Variants in AUTS2 observed in about 807,000 individuals in gnomAD.
AUTS2 encodes the protein activator of transcription and developmental regulator AUTS2, also known as autism susceptibility gene 2 protein.
Under a neutral mutation model 112.4 loss-of-function variants are expected in AUTS2, and 17 were observed. The observed-to-expected ratio is 0.15, with a 90% CI of 0.10 to 0.23. The LOEUF (loss-of-function observed/expected upper bound fraction) is 0.23. Among genes scored for constraint, AUTS2 ranks in the 10% least tolerant of loss-of-function variants. The pLI is 1.00. For synonymous variants in AUTS2, 751 were observed against 702.7 expected, an observed-to-expected ratio of 1.07 and a Z score of -1.09; for missense variants, 1,510 against 1,701.6, an observed-to-expected ratio of 0.89 and a Z score of 1.98.
chr7:70,060,984 T>C (rs1802219426), intron 2 of AUTS2, among the ~76,000 whole-genome samples: 2 of 152,220 alleles, frequency 1.3e-5, no homozygotes, highest in African/African-American at 4.8e-5. Context: ...TAACAAACCC[T>C]GTGACCCTAG....
intron 5 of AUTS2, among the ~76,000 whole-genome samples, chr7:70,689,193 GA>G (rs1808619223): frequency 6.6e-6 from 1 of 151,886 alleles, no homozygotes; most frequent in Non-Finnish European, 1.5e-5. Flanking sequence ...ACCATCTCTA[GA>G]AAAAAATTTT....
At chr7:70,055,905 C>T (rs963288250) in intron 2 of AUTS2, among the ~76,000 whole-genome samples, 3 of 152,026 alleles carry the variant, frequency 2.0e-5, no homozygotes, top group African/African-American at 7.2e-5. Flanking sequence ...AGGCAGGTCT[C>T]GAACTCCTGA....
chr7:70,511,408 T>C (rs1217415934), intron 5 of AUTS2, among the ~76,000 whole-genome samples: 5 of 151,672 alleles, frequency 3.3e-5, no homozygotes, highest in East Asian at 1.9e-4. Flanking sequence ...ATTTTTTTTT[T>C]CTCAAATTTG....
intron 4 of AUTS2, chr7:70,290,292 C>A: frequency 7.5e-7 from 1 of 1,336,554 alleles, no homozygotes; most frequent in Non-Finnish European, 9.7e-7. Context: ...GTAAAAAAAA[C>A]ATTTAGCACA....
chr7:69,760,803 G>C (rs1315788332), intron 1 of AUTS2, among the ~76,000 whole-genome samples: 1 of 152,190 alleles, frequency 6.6e-6, no homozygotes, highest in Non-Finnish European at 1.5e-5. Flanking sequence ...CTGGGCAAGA[G>C]AGCAAGACTC....
intron 1 of AUTS2, among the ~76,000 whole-genome samples, chr7:69,872,132 A>C (rs576721139): frequency 6.6e-6 from 1 of 152,336 alleles, no homozygotes; most frequent in South Asian, 2.1e-4. Context: ...AGCCCTTCTG[A>C]GTGCAGGGCC....
chr7:70,227,609 T>C (rs1811833976), intron 4 of AUTS2, among the ~76,000 whole-genome samples: 1 of 152,126 alleles, frequency 6.6e-6, no homozygotes, highest in Admixed American at 6.5e-5. Context: ...CTTCTTTAGC[T>C]GAAGTCATGA....
At chr7:69,870,527 A>C (rs1056230199) in intron 1 of AUTS2, among the ~76,000 whole-genome samples, 9 of 143,068 alleles carry the variant, frequency 6.3e-5, no homozygotes, top group South Asian at 4.5e-4. Context: ...ATGAAACAAA[A>C]AAAAAAAATA....
At chr7:69,943,022 G>C (rs1172123354) in intron 2 of AUTS2, among the ~76,000 whole-genome samples, 1 of 152,108 alleles carries the variant, frequency 6.6e-6, no homozygotes, top group Non-Finnish European at 1.5e-5. Flanking sequence ...AAATCTATTT[G>C]TGCATTCACC....
intron 4 of AUTS2, among the ~76,000 whole-genome samples, chr7:70,371,133 A>G (rs1363715311): frequency 2.6e-5 from 4 of 152,166 alleles, no homozygotes; most frequent in Admixed American, 1.3e-4. Flanking sequence ...TGCTATTCTC[A>G]TTCTAACCAT....
chr7:69,850,529 G>A (rs1168121056), intron 1 of AUTS2, among the ~76,000 whole-genome samples: 1 of 147,826 alleles, frequency 6.8e-6, no homozygotes, highest in Non-Finnish European at 1.5e-5. Context: ...AATTGTTGCT[G>A]TTTTTTAATA....
At chr7:70,637,034 T>A (rs1805569646) in intron 5 of AUTS2, among the ~76,000 whole-genome samples, 3 of 152,204 alleles carry the variant, frequency 2.0e-5, no homozygotes, top group Admixed American at 2.0e-4. Context: ...AACGTGATCC[T>A]TATGTGTTAT....
At chr7:69,790,266 A>G (rs534368499) in intron 1 of AUTS2, among the ~76,000 whole-genome samples, 3 of 152,308 alleles carry the variant, frequency 2.0e-5, no homozygotes, top group African/African-American at 7.2e-5. Context: ...ACTCCAGCCT[A>G]GGTGACAGAG....
chr7:70,437,223 G>A (rs185408131), intron 5 of AUTS2: 1 of 152,374 alleles, frequency 6.6e-6, no homozygotes, highest in East Asian at 1.9e-4. Flanking sequence ...CTGACAAGTA[G>A]GAGCTGCCTT....
chr7:70,492,607 C>T (rs1798294614), intron 5 of AUTS2, among the ~76,000 whole-genome samples: 1 of 152,200 alleles, frequency 6.6e-6, no homozygotes, highest in African/African-American at 2.4e-5. Context: ...GGCTGAAGGA[C>T]TTGCTCAAGG....
chr7:70,130,520 C>T (rs562508044), intron 3 of AUTS2, among the ~76,000 whole-genome samples: 1 of 152,074 alleles, frequency 6.6e-6, no homozygotes, highest in African/African-American at 2.4e-5. Context: ...GCAACATTCT[C>T]CCTCCTGGAA....
At position 70,589,101 on chromosome 7, in the gene AUTS2, A is replaced by G. The variant is rs76885700; in HGVS notation, c.691-109468A>G. Reference sequence around the variant, plus strand: ...TTTCCTACAGAGGCAGCAACCGTAAAAAGCGGCCAGTCACACAGTGGGGGC... The same window carrying G: ...TTTCCTACAGAGGCAGCAACCGTAAGAAGCGGCCAGTCACACAGTGGGGGC... On this transcript the variant is annotated intron_variant, in intron 5 of 18. Transcript: ENST00000342771. 9.2e-3 allele frequency among the ~76,000 whole-genome samples: 1,409 copies of G among 152,336 alleles called. 52 individuals carry two copies. The highest frequency in any genetic ancestry group is 0.059 in the Admixed American group (907 of 15,306).
chr7:70,734,015 T>A (rs1282239029), intron 6 of AUTS2, among the ~76,000 whole-genome samples: 1 of 152,146 alleles, frequency 6.6e-6, no homozygotes, highest in Admixed American at 6.5e-5. Flanking sequence ...TTCCTTTTAT[T>A]TTTCAGAATC....
At chr7:69,992,022 G>A (rs147286699) in intron 2 of AUTS2, among the ~76,000 whole-genome samples, 30 of 152,236 alleles carry the variant, frequency 2.0e-4, no homozygotes, top group Admixed American at 1.2e-3. Flanking sequence ...ATTCAATTAG[G>A]CAAGAATATC....
Sources: gnomAD v4.1 joint callset for allele counts (sites outside exome capture counted in the v4.1 genomes callset) on GRCh38, gnomAD v4.1.1 for gene constraint, MANE v1.5 for transcripts, NCBI Gene and HGNC (gene_info 2026-07-23, HGNC 2026-07-21) for gene names.